Variants in CNTN4 observed in about 807,000 individuals in gnomAD.
CNTN4 encodes the protein contactin-4.
A neutral mutation model predicts 122.5 loss-of-function variants in CNTN4; 77 were observed. The ratio of observed to expected loss-of-function variants is 0.63; its 90% CI spans 0.52 to 0.76. The LOEUF is 0.76. Ranked by LOEUF, CNTN4 falls within the 30% of genes least tolerant of loss-of-function variation. The pLI is 0.00. For synonymous variants in CNTN4, 512 were observed against 447.0 expected (o/e 1.15, Z -1.83); for missense variants, 1,256 against 1,259.1 (o/e 1.00, Z 0.04).
At chr3:2,188,276 C>G (rs557626691) in intron 2 of CNTN4, among the ~76,000 whole-genome samples, 1 of 152,114 alleles carries the variant, frequency 6.6e-6, no homozygotes, top group Non-Finnish European at 1.5e-5. Flanking sequence ...AATAATTTAT[C>G]TTTAGGCTGC....
intron 3 of CNTN4, among the ~76,000 whole-genome samples, chr3:2,484,971 G>C (rs1034330992): frequency 1.3e-5 from 2 of 152,208 alleles, no homozygotes; most frequent in African/African-American, 4.8e-5. Context: ...CGAGTTCCAG[G>C]TGGCCGTGGG....
intron 4 of CNTN4, among the ~76,000 whole-genome samples, chr3:2,678,177 T>C (rs1260439038): frequency 6.6e-6 from 1 of 152,186 alleles, no homozygotes; most frequent in Non-Finnish European, 1.5e-5. Context: ...GTGATTTTTC[T>C]TTTAATGCTA....
At chr3:2,601,999 T>A (rs2081067005) in intron 4 of CNTN4, among the ~76,000 whole-genome samples, 2 of 152,174 alleles carry the variant, frequency 1.3e-5, no homozygotes, top group Admixed American at 1.3e-4. Context: ...AACCACATGA[T>A]TATCTCAGTA....
intron 3 of CNTN4, among the ~76,000 whole-genome samples, chr3:2,444,169 A>G (rs1414991776): frequency 2.0e-5 from 3 of 151,668 alleles, no homozygotes; most frequent in African/African-American, 7.3e-5. Flanking sequence ...ATGAATATAA[A>G]TGGATAAAAA....
At chr3:2,853,078 T>G (rs1011932857) in intron 7 of CNTN4, among the ~76,000 whole-genome samples, 3 of 152,110 alleles carry the variant, frequency 2.0e-5, no homozygotes, top group Admixed American at 2.0e-4. Flanking sequence ...AAGGGGCCAT[T>G]AGTAAATGGA....
In CNTN4 at chr3:2,989,156, C is replaced by G. The variant is rs1694842375; in HGVS notation, c.1486+684C>G. The G allele has an allele frequency of 3.3e-5, 5 of 152,394 alleles. No individual in the cohort carries two copies. In the South Asian group the frequency reaches 1.0e-3, roughly 32 times the overall value. The allele number at this position is 152,394 out of a possible 1,614,324, so 9.4% of individuals were successfully genotyped here. On this transcript the variant is annotated intron_variant, in intron 14 of 24. Coordinates refer to ENST00000418658, the MANE Select transcript of CNTN4 (RefSeq NM_175607.3). Reference sequence around the variant, plus strand: ...AAGTAACCATTGAAAAGGAGAAAATCTTAATTTACATTTCATTTGCATTTC... The same window carrying G: ...AAGTAACCATTGAAAAGGAGAAAATGTTAATTTACATTTCATTTGCATTTC...
chr3:2,731,207 C>T (rs897123736), intron 4 of CNTN4, among the ~76,000 whole-genome samples: 1 of 152,060 alleles, frequency 6.6e-6, no homozygotes, highest in Non-Finnish European at 1.5e-5. Flanking sequence ...ACCCTTGTTT[C>T]TGGTCATGAA....
intron 2 of CNTN4, among the ~76,000 whole-genome samples, chr3:2,182,544 C>A (rs1282829620): frequency 1.3e-5 from 2 of 152,028 alleles, no homozygotes; most frequent in South Asian, 2.1e-4. Flanking sequence ...ACTATCTGAA[C>A]TACTCCTTAT....
intron 2 of CNTN4, among the ~76,000 whole-genome samples, chr3:2,254,607 A>T (rs911928585): frequency 1.3e-5 from 2 of 152,118 alleles, no homozygotes; most frequent in African/African-American, 4.8e-5. Context: ...ATGGTATCTC[A>T]TTGTGGTTTT....
intron 4 of CNTN4, among the ~76,000 whole-genome samples, chr3:2,606,397 T>A (rs755620192): frequency 2.4e-4 from 36 of 152,132 alleles, no homozygotes; most frequent in Middle Eastern, 3.2e-3. Context: ...CTCAGCTTAA[T>A]ACTCAGGTGA....
chr3:2,735,319 A>G (rs554652695), intron 4 of CNTN4, among the ~76,000 whole-genome samples: 8 of 152,326 alleles, frequency 5.3e-5, no homozygotes, highest in African/African-American at 1.9e-4. Context: ...AACAATATTT[A>G]TTGTGTGCAT....
chr3:2,340,713 A>C (rs914014406), intron 3 of CNTN4, among the ~76,000 whole-genome samples: 5 of 124,110 alleles, frequency 4.0e-5, no homozygotes, highest in African/African-American at 1.2e-4. Context: ...ATATATATAG[A>C]GAGAGAGAGA....
At chr3:2,816,820 CAAAAAAA>C (rs538762827) in intron 6 of CNTN4, among the ~76,000 whole-genome samples, 1 of 73,230 alleles carries the variant, frequency 1.4e-5, no homozygotes, top group Non-Finnish European at 2.5e-5. Flanking sequence ...ACTCTGTCTC[CAAAAAAA>C]AAAAAAAAAA....
chr3:2,390,088 T>G (rs2046388566), intron 3 of CNTN4, among the ~76,000 whole-genome samples: 1 of 152,170 alleles, frequency 6.6e-6, no homozygotes, highest in African/African-American at 2.4e-5. Context: ...CATGTTTATT[T>G]TCAGATGACA....
intron 3 of CNTN4, among the ~76,000 whole-genome samples, chr3:2,373,556 C>G (rs1353396601): frequency 6.6e-6 from 1 of 152,204 alleles, no homozygotes; most frequent in Non-Finnish European, 1.5e-5. Flanking sequence ...TTTGTCTACT[C>G]TTCACCCCAC....
chr3:3,046,874 G>A (rs1484647801), intron 23 of CNTN4, among the ~76,000 whole-genome samples: 1 of 139,430 alleles, frequency 7.2e-6, no homozygotes, highest in Non-Finnish European at 1.6e-5. Context: ...CTGTATTCAG[G>A]AAACCTGTCT....
chr3:2,774,293 T>C (rs1450861472), intron 6 of CNTN4, among the ~76,000 whole-genome samples: 1 of 151,624 alleles, frequency 6.6e-6, no homozygotes, highest in African/African-American at 2.4e-5. Flanking sequence ...AAAGAAAAGA[T>C]ATGTCAGCTG....
At chr3:2,503,423 T>C (rs773264897) in intron 3 of CNTN4, among the ~76,000 whole-genome samples, 6 of 152,340 alleles carry the variant, frequency 3.9e-5, no homozygotes, top group Non-Finnish European at 7.4e-5. Flanking sequence ...AGTATCGTCT[T>C]CATCTTTATT....
chr3:2,408,345 C>G (rs1357450034), intron 3 of CNTN4, among the ~76,000 whole-genome samples: 1 of 152,094 alleles, frequency 6.6e-6, no homozygotes, highest in Non-Finnish European at 1.5e-5. Context: ...CCGCCTTCAA[C>G]CATTTATTAC....
Sources: allele counts gnomAD v4.1 joint callset (sites outside exome capture counted in the v4.1 genomes callset), GRCh38; gene constraint gnomAD v4.1.1; transcripts MANE v1.5; gene names NCBI Gene and HGNC (gene_info 2026-07-23, HGNC 2026-07-21).